Variants in DROSHA observed in about 807,000 individuals in gnomAD.
DROSHA encodes drosha ribonuclease III.
A neutral mutation model predicts 181.9 loss-of-function variants in DROSHA; 56 were observed. The observed-to-expected ratio is 0.31, with a 90% CI of 0.25 to 0.38. DROSHA has a LOEUF of 0.38. Among genes scored for constraint, DROSHA ranks in the 10% least tolerant of loss-of-function variants. The pLI, the probability that DROSHA is intolerant of heterozygous loss-of-function variation, is 1.00. For synonymous variants in DROSHA, 524 were observed against 591.2 expected (o/e 0.89, Z 1.65); for missense variants, 1,218 against 1,743.5 (o/e 0.70, Z 5.37).
chr5:31,424,361 G>A lies in DROSHA; in HGVS notation c.3261+66C>T, dbSNP rs922017962. 11 of 1,542,904 alleles carry A rather than the reference G, an allele frequency of 7.1e-6. No individual in the cohort carries two copies. The Middle Eastern group carries it at 5.0e-4, about 70-fold the overall frequency. Reference sequence around the variant, plus strand: ...GATAAAAGTGGGGAAGGAAAAAAAGGCAAAGGAAAGTAACATGAATAGCTG... The same window carrying A: ...GATAAAAGTGGGGAAGGAAAAAAAGACAAAGGAAAGTAACATGAATAGCTG... On this transcript the variant is annotated intron_variant, in intron 28 of 35. Transcript: ENST00000344624.
intron 30 of DROSHA, among the ~76,000 whole-genome samples, chr5:31,419,981 T>TA (rs1172185785): frequency 1.3e-5 from 2 of 151,680 alleles, no homozygotes; most frequent in South Asian, 2.1e-4. Flanking sequence ...AAACTTAATA[T>TA]AAAAAAAGAG....
chr5:31,483,455 C>A (rs1050961433), intron 16 of DROSHA, 99 bp downstream of exon 16: 3 of 1,140,628 alleles, frequency 2.6e-6, no homozygotes, highest in African/African-American at 3.1e-5. Flanking sequence ...TTAACAGTAT[C>A]GAAGGTGGGA....
chr5:31,449,187 TCAC>T, intron 22 of DROSHA, 91 bp downstream of exon 22: 1 of 1,455,360 alleles, frequency 6.9e-7, no homozygotes, highest in South Asian at 1.4e-5. Context: ...GGTGAAAGAG[TCAC>T]CCAGGGAACC....
chr5:31,484,805 C>G, intron 15 of DROSHA, 76 bp downstream of exon 15: 2 of 1,103,906 alleles, frequency 1.8e-6, no homozygotes, highest in Non-Finnish European at 2.6e-6. Flanking sequence ...CTCCCTACAA[C>G]TTTTATAAGA....
intron 24 of DROSHA, among the ~76,000 whole-genome samples, chr5:31,436,898 A>G (rs1185131052): frequency 1.3e-5 from 2 of 152,212 alleles, no homozygotes; most frequent in Non-Finnish European, 2.9e-5. Context: ...ATGAAATGAC[A>G]TTTTAAAATA....
At chr5:31,500,025 T>C (rs1753409782) in intron 11 of DROSHA, among the ~76,000 whole-genome samples, 1 of 152,146 alleles carries the variant, frequency 6.6e-6, no homozygotes, top group Admixed American at 6.5e-5. Context: ...AATGGGGACA[T>C]TTATGTTTTG....
At position 31,410,791 on chromosome 5, in the gene DROSHA, T is replaced by A; in HGVS notation, c.3622A>T (p.Arg1208Trp). ...GTCTTGGTGCGAAGCGCCACAGGCC[T>A]CTTGGTCTTGTCGTTGGTTATGGCG... Reference protein sequence around the residue: ...EYAITNDKTKRPVALRTKTLA... With the variant: ...EYAITNDKTKWPVALRTKTLA... The change falls in exon 31 of 36, where the codon AGG becomes TGG. Residue 1208 changes from arginine to tryptophan, a missense_variant. Arg to Trp is a moderately radical substitution (Grantham distance 101). This residue lies in a region of DROSHA where 47 missense variants were observed against 70.6 expected (regional missense o/e 0.67). Transcript: ENST00000344624. 1 of 1,614,026 alleles carries A rather than the reference T, an allele frequency of 6.2e-7. No individual in the cohort carries two copies. Among genetic ancestry groups the A allele is most frequent in the Non-Finnish European group, 8.5e-7 (1 of 1,179,858 alleles).
chr5:31,485,163 T>A (rs553450972), intron 14 of DROSHA, among the ~76,000 whole-genome samples: 3 of 152,304 alleles, frequency 2.0e-5, no homozygotes, highest in South Asian at 4.1e-4. Context: ...GATTCCTTAA[T>A]GTCAACTTAG....
At chr5:31,478,505 G>A (rs757770585) in intron 16 of DROSHA, among the ~76,000 whole-genome samples, 3 of 152,196 alleles carry the variant, frequency 2.0e-5, no homozygotes, top group Admixed American at 6.5e-5. Flanking sequence ...AGGAGGCTGA[G>A]GCGGGCAGAC....
chr5:31,528,999 C>T (rs749539405), intron 4 of DROSHA, 41 bp downstream of exon 4: 2 of 1,610,858 alleles, frequency 1.2e-6, no homozygotes, highest in Non-Finnish European at 1.7e-6. Context: ...GCTCCTCTCT[C>T]GGTTCTCCCA....
At position 31,504,813 on chromosome 5, in the gene DROSHA, T is replaced by C. The variant is rs376076212; in HGVS notation, c.1588-178A>G. On this transcript the variant is annotated intron_variant, in intron 10 of 35. Transcript: ENST00000344624. ...CAATAAAGCTGCAAACTGTCTATAT[T>C]GTCTGATAAAGGGAAACCGTGTGAC... Among the ~76,000 whole-genome samples, 6 of 152,312 alleles carry C rather than the reference T, an allele frequency of 3.9e-5. No individual in the cohort carries two copies. In the East Asian group the frequency reaches 9.6e-4, roughly 24 times the overall value.
At chr5:31,483,473 C>T (rs1286225724) in intron 16 of DROSHA, 81 bp downstream of exon 16, 2 of 1,390,100 alleles carry the variant, frequency 1.4e-6, no homozygotes, top group African/African-American at 2.9e-5. Context: ...GGAAAGTTGT[C>T]CCTGAAGACT....
chr5:31,495,293 T>G lies in DROSHA; in HGVS notation c.1748A>C (p.Asn583Thr). The G allele has an allele frequency of 6.2e-7, 1 of 1,613,644 alleles. No homozygotes were observed. The highest frequency in any genetic ancestry group is 8.5e-7 in the Non-Finnish European group (1 of 1,179,746). Reference protein sequence around the residue: ...HYRITVSPPTNFLTDRPTVIE... With the variant: ...HYRITVSPPTTFLTDRPTVIE... ...GATTCTTTAGAAACTTACTAAAAAGTTCGTAGGCGGGGAGACTGTGATCCG... is the reference window on the plus strand; with the variant it reads ...GATTCTTTAGAAACTTACTAAAAAGGTCGTAGGCGGGGAGACTGTGATCCG... Residue 583 changes from asparagine (N) to threonine (T), a missense_variant, in exon 12 of 36, where the codon AAC (asparagine) becomes ACC (threonine). Physicochemically the swap from Asn to Thr is moderately conservative, Grantham distance 65. Transcript: ENST00000344624.
At chr5:31,412,189 G>A (rs1423084155) in intron 30 of DROSHA, among the ~76,000 whole-genome samples, 1 of 152,194 alleles carries the variant, frequency 6.6e-6, no homozygotes, top group Non-Finnish European at 1.5e-5. Flanking sequence ...CCGGGAGCAA[G>A]GAGGTACATA....
In DROSHA at chr5:31,421,200, T is replaced by C. The variant is rs1742619175; in HGVS notation, c.3525+72A>G. On this transcript the variant is annotated intron_variant, in intron 30 of 35. Coordinates refer to ENST00000344624, the MANE Select transcript of DROSHA (RefSeq NM_001382508.1). ...GAGTAAGAAATTAATTACATAGATA[T>C]ATATTTGACCCCTCTAATCTTCACT... is the stretch of plus-strand genomic sequence containing the variant. 1.1e-5 allele frequency: 13 copies of C among 1,145,584 alleles called. No individual in the cohort carries two copies. The East Asian group carries it at 1.4e-4, about 12-fold the overall frequency. 71.0% of individuals were successfully genotyped at this position (1,145,584 alleles called of 1,614,324 possible).
Position 31,526,831 on chromosome 5 carries a change from A to G in DROSHA, c.102T>C (p.Phe34=). The G allele has an allele frequency of 6.2e-7, 1 of 1,613,350 alleles. No homozygotes were observed. The highest frequency in any genetic ancestry group is 8.5e-7 in the Non-Finnish European group (1 of 1,179,786). The stretch of plus-strand genomic sequence containing the variant: ...GAAGCAGCCTCAGATTTTGGGGCCT[A>G]AAGGATGGTGCTGAGGGTCTGGCTC... ...GHGARPSAPS[F]RPQNLRLLHP... is the part of the protein sequence containing the mutation. Residue 34 remains phenylalanine, a synonymous_variant, in exon 5 of 36, where the codon TTT becomes TTC. Coordinates refer to ENST00000344624, the MANE Select transcript of DROSHA (RefSeq NM_001382508.1).
At chr5:31,424,782 A>G (rs939708064) in intron 27 of DROSHA, among the ~76,000 whole-genome samples, 49 of 152,176 alleles carry the variant, frequency 3.2e-4, no homozygotes, top group Non-Finnish European at 5.7e-4. Flanking sequence ...TGCTCTTTTA[A>G]TCATATTTTT....
At chr5:31,497,400 C>T (rs543451280) in intron 11 of DROSHA, among the ~76,000 whole-genome samples, 3 of 152,316 alleles carry the variant, frequency 2.0e-5, no homozygotes, top group East Asian at 1.9e-4. Flanking sequence ...GCTGGAGACA[C>T]GCCAGCCGGC....
chr5:31,434,212 C>T (rs1213521845), intron 25 of DROSHA, among the ~76,000 whole-genome samples: 4 of 152,212 alleles, frequency 2.6e-5, no homozygotes, highest in East Asian at 1.9e-4. Context: ...TTTCATGCTA[C>T]GGCAATTCCC....
Sources: gnomAD v4.1 joint callset for allele counts (sites outside exome capture counted in the v4.1 genomes callset) on GRCh38, gnomAD v4.1.1 for gene constraint, gnomAD v4.1.1 regional missense constraint, MANE v1.5 for transcripts, NCBI Gene and HGNC (gene_info 2026-07-23, HGNC 2026-07-21) for gene names.